The following CCSER1 variants were observed in gnomAD, a reference collection of about 807,000 sequenced individuals.
CCSER1 encodes coiled-coil serine rich protein 1, also known as serine-rich coiled-coil domain-containing protein 1.
CCSER1 carries 41 observed loss-of-function variants against 82.0 expected under a neutral mutation model. The ratio of observed to expected loss-of-function variants is 0.50; its 90% CI spans 0.39 to 0.65. The LOEUF (loss-of-function observed/expected upper bound fraction) is 0.65. CCSER1 is among the 30% of genes least tolerant of loss of function. CCSER1 has a pLI of 0.00. For synonymous variants in CCSER1, 414 were observed against 383.9 expected, an observed-to-expected ratio of 1.08 and a Z score of -0.92; for missense variants, 1,119 against 1,064.2, an observed-to-expected ratio of 1.05 and a Z score of -0.72.
At chr4:90,232,184 A>G (rs1744719568) in intron 1 of CCSER1, among the ~76,000 whole-genome samples, 1 of 152,136 alleles carries the variant, frequency 6.6e-6, no homozygotes, top group Non-Finnish European at 1.5e-5. Flanking sequence ...AATCCAAAAG[A>G]ACAAAGCTGG....
intron 8 of CCSER1, among the ~76,000 whole-genome samples, chr4:90,854,726 T>A (rs558671313): frequency 4.1e-4 from 50 of 121,808 alleles, no homozygotes; most frequent in Non-Finnish European, 5.2e-4. Flanking sequence ...TACTCAGAAC[T>A]TTTTTTTTTA....
chr4:91,536,455 C>T (rs1435536533), intron 10 of CCSER1, among the ~76,000 whole-genome samples: 1 of 152,080 alleles, frequency 6.6e-6, no homozygotes, highest in African/African-American at 2.4e-5. Flanking sequence ...GATCCAGTCT[C>T]TACCTTTTTC....
intron 10 of CCSER1, among the ~76,000 whole-genome samples, chr4:91,359,661 G>A (rs1749114387): frequency 1.3e-5 from 2 of 151,844 alleles, no homozygotes; most frequent in South Asian, 2.1e-4. Flanking sequence ...GGTTTCAGGA[G>A]AGAAAAGGAT....
At chr4:90,283,920 A>G (rs1250946932) in intron 1 of CCSER1, among the ~76,000 whole-genome samples, 2 of 151,984 alleles carry the variant, frequency 1.3e-5, no homozygotes, top group Non-Finnish European at 2.9e-5. Context: ...TCTCCACAGT[A>G]GCTATATTAA....
At chr4:91,180,920 C>T (rs576211127) in intron 10 of CCSER1, among the ~76,000 whole-genome samples, 241 of 142,726 alleles carry the variant, frequency 1.7e-3, no homozygotes, top group Non-Finnish European at 3.0e-3. Flanking sequence ...AGAGATGGGC[C>T]AAATTAAAGC....
chr4:91,263,335 C>T (rs762046658), intron 10 of CCSER1, among the ~76,000 whole-genome samples: 20 of 152,112 alleles, frequency 1.3e-4, no homozygotes, highest in Non-Finnish European at 2.2e-4. Context: ...ATTTTAATCA[C>T]GACATTCTGC....
chr4:90,331,933 G>A (rs942914074), intron 3 of CCSER1, among the ~76,000 whole-genome samples: 3 of 151,948 alleles, frequency 2.0e-5, no homozygotes, highest in South Asian at 2.1e-4. Context: ...ACTCAGAGAA[G>A]TAAAATGAGG....
chr4:91,420,612 C>A (rs575931067), intron 10 of CCSER1, among the ~76,000 whole-genome samples: 1 of 152,062 alleles, frequency 6.6e-6, no homozygotes, highest in Non-Finnish European at 1.5e-5. Context: ...GTTTGTAGAG[C>A]CCTGTGGAAA....
intron 5 of CCSER1, among the ~76,000 whole-genome samples, chr4:90,577,383 C>T (rs1017293780): frequency 6.6e-6 from 1 of 152,054 alleles, no homozygotes; most frequent in African/African-American, 2.4e-5. Flanking sequence ...ATTGTCCACA[C>T]TGATTACCTA....
chr4:90,969,607 A>T lies in CCSER1; in HGVS notation c.2172+46160A>T, dbSNP rs1329158057. ...CACTTTCCCAGATGAACAAAATGAC[A>T]ATCTATAAAATGTCTAACAAAAATT... is the stretch of plus-strand genomic sequence containing the variant. On this transcript the variant is annotated intron_variant, in intron 9 of 10. Transcript: ENST00000509176. Among the ~76,000 whole-genome samples, 8 of 152,110 alleles carry T rather than the reference A, an allele frequency of 5.3e-5. No individual in the cohort carries two copies. The South Asian group carries it at 1.0e-3, about 20-fold the overall frequency.
At chr4:90,149,226 A>C (rs1286914356) in intron 1 of CCSER1, among the ~76,000 whole-genome samples, 2 of 152,164 alleles carry the variant, frequency 1.3e-5, no homozygotes, top group Non-Finnish European at 1.5e-5. Flanking sequence ...TATGCTGAGT[A>C]AATAGCCCAA....
At chr4:91,570,060 C>T (rs1220242517) in intron 10 of CCSER1, among the ~76,000 whole-genome samples, 2 of 152,286 alleles carry the variant, frequency 1.3e-5, no homozygotes, top group East Asian at 3.9e-4. Flanking sequence ...CCATACAAGT[C>T]CAAAATCCAA....
At chr4:91,576,340 T>TA (rs1424004566) in intron 10 of CCSER1, among the ~76,000 whole-genome samples, 1 of 151,960 alleles carries the variant, frequency 6.6e-6, no homozygotes, top group East Asian at 1.9e-4. Flanking sequence ...ATGTAAAATC[T>TA]AAAAAAAGTC....
intron 10 of CCSER1, among the ~76,000 whole-genome samples, chr4:91,510,422 G>A (rs577186444): frequency 7.8e-4 from 119 of 152,012 alleles, no homozygotes; most frequent in Non-Finnish European, 1.5e-3. Flanking sequence ...TGCTTTCCAC[G>A]GTGGCCGAAC....
chr4:90,844,354 T>G (rs373020072), intron 8 of CCSER1, among the ~76,000 whole-genome samples: 7 of 152,204 alleles, frequency 4.6e-5, no homozygotes, highest in African/African-American at 1.7e-4. Context: ...ATTCACATTT[T>G]TACAGCAATT....
chr4:91,426,155 G>T (rs1385677232), intron 10 of CCSER1, among the ~76,000 whole-genome samples: 3 of 152,124 alleles, frequency 2.0e-5, no homozygotes, highest in Non-Finnish European at 4.4e-5. Flanking sequence ...TTCTGTTCTT[G>T]TGATAGTTTG....
rs1161185680 is a variant in CCSER1, at chr4:90,155,511, G to A, written c.-42+27680G>A. ...TCAGCTGTGAATCCATCTGGTCCTGGACTCTTTTTGGTTGGTAAGGTATTG... is the reference window on the plus strand; with the variant it reads ...TCAGCTGTGAATCCATCTGGTCCTGAACTCTTTTTGGTTGGTAAGGTATTG... On this transcript the variant is annotated intron_variant, in intron 1 of 10. Transcript: ENST00000509176. Among the ~76,000 whole-genome samples, 9 of 152,192 alleles carry A rather than the reference G, an allele frequency of 5.9e-5. No individual in the cohort carries two copies. The East Asian group carries it at 1.7e-3, about 29-fold the overall frequency.
At chr4:90,320,450 T>C (rs937540367) in intron 3 of CCSER1, among the ~76,000 whole-genome samples, 1 of 152,160 alleles carries the variant, frequency 6.6e-6, no homozygotes, top group East Asian at 1.9e-4. Flanking sequence ...ATGACATTGT[T>C]CCAGTGGAAG....
At position 90,586,855 on chromosome 4, in the gene CCSER1, A is replaced by G. The variant is rs143625133; in HGVS notation, c.1725-41170A>G. ...ATATGATGCTGTAGTAGGCAGAATA[A>G]TGGCCTTTCAAAGATGTCTCTTCTC... On this transcript the variant is annotated intron_variant, in intron 5 of 10. Coordinates refer to ENST00000509176, the MANE Select transcript of CCSER1 (RefSeq NM_001145065.2). Among the ~76,000 whole-genome samples, 252 of 152,356 alleles carry G rather than the reference A, an allele frequency of 1.7e-3. 1 individual carries two copies. Among genetic ancestry groups the G allele is most frequent in the Non-Finnish European group, 3.1e-3 (210 of 68,034 alleles).
Sources: gnomAD v4.1 joint callset for allele counts (sites outside exome capture counted in the v4.1 genomes callset) on GRCh38, gnomAD v4.1.1 for gene constraint, MANE v1.5 for transcripts, NCBI Gene and HGNC (gene_info 2026-07-23, HGNC 2026-07-21) for gene names.